Variants in DCLK1 observed in about 807,000 individuals in gnomAD.
The protein encoded by DCLK1 is doublecortin like kinase 1.
In DCLK1, 16 loss-of-function variants were observed where a neutral mutation model predicts 86.2. That is an observed-to-expected ratio of 0.19 (90% CI 0.13 to 0.28). The LOEUF (loss-of-function observed/expected upper bound fraction) is 0.28. DCLK1 is among the 10% of genes least tolerant of loss of function. The probability of loss-of-function intolerance (pLI) is 1.00; values close to 1 mark genes in which losing one functional copy is unlikely to be tolerated. For missense variants in DCLK1, 590 were observed against 940.2 expected, an observed-to-expected ratio of 0.63 and a Z score of 4.87; for synonymous variants, 369 against 370.5, an observed-to-expected ratio of 1.00 and a Z score of 0.05.
intron 8 of DCLK1, among the ~76,000 whole-genome samples, chr13:35,831,406 A>G (rs893665312): frequency 2.6e-5 from 4 of 152,220 alleles, no homozygotes; most frequent in Non-Finnish European, 4.4e-5. Flanking sequence ...TGTCATAAGA[A>G]TAAGAATATA....
At chr13:35,854,471 G>A (rs753525124) in intron 6 of DCLK1, 28 bp downstream of exon 6, 8 of 1,571,210 alleles carry the variant, frequency 5.1e-6, no homozygotes, top group African/African-American at 1.4e-5. Flanking sequence ...AGACAGGTCT[G>A]AAACAAGCAG....
intron 11 of DCLK1, 34 bp from the exon 12 acceptor site, chr13:35,811,002 A>G (rs756588586): frequency 6.2e-7 from 1 of 1,612,748 alleles, no homozygotes; most frequent in Non-Finnish European, 8.5e-7. Context: ...ATTGTCTGAA[A>G]ACCAAGAGCT....
At chr13:35,903,547 T>C (rs1874503759) in intron 4 of DCLK1, among the ~76,000 whole-genome samples, 1 of 152,204 alleles carries the variant, frequency 6.6e-6, no homozygotes, top group Non-Finnish European at 1.5e-5. Context: ...TGGTCCCATA[T>C]GGCTAATGTC....
At chr13:35,865,245 C>G (rs1871706405) in intron 5 of DCLK1, among the ~76,000 whole-genome samples, 1 of 152,034 alleles carries the variant, frequency 6.6e-6, no homozygotes, top group Non-Finnish European at 1.5e-5. Flanking sequence ...GACCCTGTCT[C>G]AAAAATAAAA....
At chr13:36,108,680 G>A (rs561108549) in intron 3 of DCLK1, among the ~76,000 whole-genome samples, 1 of 152,158 alleles carries the variant, frequency 6.6e-6, no homozygotes, top group Non-Finnish European at 1.5e-5. Context: ...TTTACTCAAA[G>A]CACTCAAGCA....
At chr13:36,038,631 A>G (rs1297382210) in intron 3 of DCLK1, among the ~76,000 whole-genome samples, 1 of 152,196 alleles carries the variant, frequency 6.6e-6, no homozygotes, top group Non-Finnish European at 1.5e-5. Flanking sequence ...TGGTGATGCT[A>G]TTCAGGTAGG....
At chr13:35,819,343 C>T (rs1432995803) in intron 11 of DCLK1, among the ~76,000 whole-genome samples, 4 of 152,120 alleles carry the variant, frequency 2.6e-5, no homozygotes, top group South Asian at 2.1e-4. Context: ...TTAAATAAAT[C>T]ATTCATACAA....
intron 11 of DCLK1, among the ~76,000 whole-genome samples, chr13:35,819,217 G>A (rs1486806781): frequency 6.6e-6 from 1 of 152,138 alleles, no homozygotes; most frequent in Non-Finnish European, 1.5e-5. Flanking sequence ...AAATTTATAA[G>A]GGGTATTTTT....
chr13:35,781,924 G>A (rs758601511), intron 16 of DCLK1, among the ~76,000 whole-genome samples: 24 of 152,096 alleles, frequency 1.6e-4, no homozygotes, highest in Non-Finnish European at 3.2e-4. Flanking sequence ...ATTTTATTGG[G>A]CTTACTCTCA....
At chr13:35,804,616 A>G (rs774935342) in intron 15 of DCLK1, among the ~76,000 whole-genome samples, 3 of 151,730 alleles carry the variant, frequency 2.0e-5, no homozygotes, top group Non-Finnish European at 4.4e-5. Context: ...TATTTTTAGT[A>G]GAGATGGCGT....
intron 5 of DCLK1, among the ~76,000 whole-genome samples, chr13:35,856,732 T>A (rs138461896): frequency 3.3e-5 from 5 of 152,366 alleles, no homozygotes; most frequent in Non-Finnish European, 7.3e-5. Context: ...TTTATTTTTA[T>A]TGAAGGCATT....
chr13:35,873,913 T>C (rs1042877872), intron 4 of DCLK1, among the ~76,000 whole-genome samples: 2 of 152,210 alleles, frequency 1.3e-5, no homozygotes, highest in Non-Finnish European at 2.9e-5. Flanking sequence ...TACTTTCTCT[T>C]ATTGGTTTGT....
Position 35,817,060 on chromosome 13 carries a change from T to C in DCLK1, c.1554+5669A>G, listed in dbSNP as rs138997179. On this transcript the variant is annotated intron_variant, in intron 11 of 16. Transcript: ENST00000360631. ...CTTTGCCATCATTGTATGTTATTTT[T>C]AATTTTTGCTAGTCTGATAAGGCTG... Among the ~76,000 whole-genome samples the C allele has an allele frequency of 7.2e-4, 109 of 152,326 alleles. 1 individual carries two copies. The highest frequency in any genetic ancestry group is 2.5e-3 in the African/African-American group (106 of 41,580).
At chr13:36,048,375 G>A (rs908252322) in intron 3 of DCLK1, among the ~76,000 whole-genome samples, 3 of 151,900 alleles carry the variant, frequency 2.0e-5, no homozygotes, top group African/African-American at 4.8e-5. Context: ...ATATTGACAG[G>A]CACCTAAAGA....
intron 3 of DCLK1, among the ~76,000 whole-genome samples, chr13:36,061,173 C>A (rs9593728): frequency 0.38 from 58,373 of 151,726 alleles, 11,412 homozygotes; most frequent in South Asian, 0.59. Flanking sequence ...TGCAATCAGC[C>A]GGGCACAAAA....
intron 3 of DCLK1, among the ~76,000 whole-genome samples, chr13:35,991,699 G>A (rs1206914561): frequency 2.0e-5 from 3 of 152,094 alleles, no homozygotes; most frequent in Non-Finnish European, 2.9e-5. Flanking sequence ...AAGTAAATTT[G>A]CATGCTTTTC....
chr13:36,041,333 G>A (rs1052809830), intron 3 of DCLK1, among the ~76,000 whole-genome samples: 2 of 152,148 alleles, frequency 1.3e-5, no homozygotes, highest in Admixed American at 6.6e-5. Flanking sequence ...TTCCACCATC[G>A]GGCATCCATT....
chr13:35,961,404 C>T (rs1363845189), intron 3 of DCLK1, among the ~76,000 whole-genome samples: 1 of 152,184 alleles, frequency 6.6e-6, no homozygotes, highest in African/African-American at 2.4e-5. Flanking sequence ...TTTCCTTGTA[C>T]TGGTTTTACA....
intron 6 of DCLK1, chr13:35,847,657 A>G: frequency 1.1e-6 from 1 of 892,042 alleles, no homozygotes; most frequent in Non-Finnish European, 1.3e-6. Flanking sequence ...GAAAGAAAGA[A>G]AAAGAGCCCA....
Sources: allele counts gnomAD v4.1 joint callset (sites outside exome capture counted in the v4.1 genomes callset), GRCh38; gene constraint gnomAD v4.1.1; transcripts MANE v1.5; gene names NCBI Gene and HGNC (gene_info 2026-07-23, HGNC 2026-07-21).